LRRC38: variants seen among roughly 807,000 people sequenced by gnomAD.
LRRC38 encodes leucine-rich repeat-containing protein 38.
Under a neutral mutation model 16.4 loss-of-function variants are expected in LRRC38, and 5 were observed. The observed-to-expected ratio is 0.31, with a 90% confidence interval of 0.16 to 0.64. The LOEUF is 0.64. LRRC38 is among the 30% of genes least tolerant of loss of function. The probability of loss-of-function intolerance (pLI) is 0.80; values close to 1 mark genes in which losing one functional copy is unlikely to be tolerated. For synonymous variants in LRRC38, 191 were observed against 190.2 expected, an observed-to-expected ratio of 1.00 and a Z score of -0.04; for missense variants, 341 against 401.8, an observed-to-expected ratio of 0.85 and a Z score of 1.29.
chr1:13,480,994 C>G (rs929687741), intron 1 of LRRC38, among the ~76,000 whole-genome samples: 2 of 152,138 alleles, frequency 1.3e-5, no homozygotes, highest in Non-Finnish European at 2.9e-5. Flanking sequence ...TTTAGATCCC[C>G]AGAATGTATA....
intron 1 of LRRC38, 39 bp downstream of exon 1, chr1:13,512,924 C>G: frequency 3.3e-6 from 4 of 1,215,334 alleles, no homozygotes; most frequent in Non-Finnish European, 2.3e-6. Flanking sequence ...TCTCCCTGCC[C>G]CCCTCCCTCC....
chr1:13,510,818 G>C (rs926276126), intron 1 of LRRC38, among the ~76,000 whole-genome samples: 5 of 152,198 alleles, frequency 3.3e-5, no homozygotes, highest in Admixed American at 6.5e-5. Flanking sequence ...GGCTTGGAGA[G>C]GTCAGGGACT....
At chr1:13,493,704 C>T (rs766453060) in intron 1 of LRRC38, among the ~76,000 whole-genome samples, 41 of 152,188 alleles carry the variant, frequency 2.7e-4, no homozygotes, top group Admixed American at 1.7e-3. Flanking sequence ...GCCTGAGAGC[C>T]GAGGAGTGCT....
In LRRC38 at chr1:13,512,972, G is replaced by A. The variant is rs982484550; in HGVS notation, c.622C>T (p.Leu208=). 2.6e-6 allele frequency: 4 copies of A among 1,533,720 alleles called. No individual in the cohort carries two copies. The Admixed American group carries it at 7.9e-5, about 30-fold the overall frequency. The part of the protein sequence containing the change: ...FSWIQENASK[L]PKGLDEIQCS... ...AGCCGGCTCGGCTCACCTTTGGGCA[G>A]TTTGGATGCGTTCTCCTGGATCCAG... Residue 208 remains leucine, a synonymous_variant, in exon 1 of 2, where the codon CTG becomes TTG. Coordinates refer to ENST00000376085, the MANE Select transcript of LRRC38 (RefSeq NM_001010847.2).
chr1:13,495,325 A>G (rs572244672), intron 1 of LRRC38, among the ~76,000 whole-genome samples: 1 of 152,296 alleles, frequency 6.6e-6, no homozygotes, highest in South Asian at 2.1e-4. Flanking sequence ...CATATTTAGA[A>G]GCCGATTCTG....
At chr1:13,478,262 C>T (rs532004407) in intron 1 of LRRC38, among the ~76,000 whole-genome samples, 1 of 152,214 alleles carries the variant, frequency 6.6e-6, no homozygotes, top group Non-Finnish European at 1.5e-5. Context: ...AGTCATGTTG[C>T]ACTTACTATG....
At chr1:13,484,681 G>A (rs1262931687) in intron 1 of LRRC38, among the ~76,000 whole-genome samples, 3 of 152,232 alleles carry the variant, frequency 2.0e-5, no homozygotes, top group Admixed American at 6.5e-5. Context: ...CTCTTGGGAG[G>A]TGGAAACTCT....
chr1:13,484,232 A>G (rs1638905269), intron 1 of LRRC38, among the ~76,000 whole-genome samples: 1 of 152,096 alleles, frequency 6.6e-6, no homozygotes, highest in Non-Finnish European at 1.5e-5. Context: ...ACCTTCTCAA[A>G]GAGGCCTCCC....
intron 1 of LRRC38, among the ~76,000 whole-genome samples, chr1:13,509,768 A>C (rs759897645): frequency 3.3e-5 from 5 of 151,898 alleles, no homozygotes; most frequent in Non-Finnish European, 7.4e-5. Context: ...TCCTACCTAC[A>C]CTCTTTGTTT....
At chr1:13,481,540 C>T (rs570832289) in intron 1 of LRRC38, among the ~76,000 whole-genome samples, 19 of 151,978 alleles carry the variant, frequency 1.3e-4, no homozygotes, top group Non-Finnish European at 2.1e-4. Context: ...TACAGGCACC[C>T]ACCACCACGC....
intron 1 of LRRC38, among the ~76,000 whole-genome samples, chr1:13,476,398 G>A (rs1405573909): frequency 9.2e-5 from 14 of 152,010 alleles, no homozygotes; most frequent in African/African-American, 2.4e-4. Flanking sequence ...GCGTGATCTC[G>A]GCTCACTGCA....
At chr1:13,485,435 GT>G (rs1184916184) in intron 1 of LRRC38, among the ~76,000 whole-genome samples, 1 of 152,036 alleles carries the variant, frequency 6.6e-6, no homozygotes, top group Non-Finnish European at 1.5e-5. Flanking sequence ...AATTAGCATG[GT>G]GGCGGGCGAC....
intron 1 of LRRC38, among the ~76,000 whole-genome samples, chr1:13,497,267 T>A (rs578253198): frequency 6.6e-6 from 1 of 152,180 alleles, no homozygotes; most frequent in Admixed American, 6.5e-5. Flanking sequence ...AAAGCTCTCA[T>A]AGCAGAAGAA....
intron 1 of LRRC38, among the ~76,000 whole-genome samples, chr1:13,493,834 G>A (rs1425603610): frequency 6.6e-6 from 1 of 152,200 alleles, no homozygotes; most frequent in Non-Finnish European, 1.5e-5. Context: ...GGAGGCTGAG[G>A]TGAGTAGACC....
chr1:13,505,224 G>C (rs1639198965), intron 1 of LRRC38, among the ~76,000 whole-genome samples: 1 of 152,158 alleles, frequency 6.6e-6, no homozygotes, highest in Admixed American at 6.5e-5. Flanking sequence ...CCTCTCCAGG[G>C]CTCCTCTCCT....
rs12060203 is a variant in LRRC38, at chr1:13,505,302, C to T, written c.631+7661G>A. 8.3e-3 allele frequency among the ~76,000 whole-genome samples: 1,261 copies of T among 152,304 alleles called. 16 individuals are homozygous for T. Among genetic ancestry groups the T allele is most frequent in the African/African-American group, 0.028 (1,150 of 41,554 alleles). Reference sequence around the variant, plus strand: ...CCTCCCTCCTGCATAGCAGGAGCTGCGGCTCAGGGGGCTACCGGGGATTTG... The same window carrying T: ...CCTCCCTCCTGCATAGCAGGAGCTGTGGCTCAGGGGGCTACCGGGGATTTG... On this transcript the variant is annotated intron_variant, in intron 1 of 1. Transcript: ENST00000376085.
chr1:13,475,411 A>G lies in LRRC38; in HGVS notation c.*435T>C, dbSNP rs3013104. On this transcript the variant is annotated 3_prime_UTR_variant, in exon 2 of 2. Transcript: ENST00000376085. This position sits in a 1 kb window ranked among gnomAD's most constrained non-coding sequence, Gnocchi z 4.3. ...GTGAATGATCCGAATTTGAATCTCC[A>G]CTGTTTGAGCTGCTGTTTCTTGGGA... 0.044 allele frequency: 7,421 copies of G among 167,284 alleles called. 288 individuals carry two copies. Among genetic ancestry groups the G allele is most frequent in the African/African-American group, 0.11 (4,550 of 42,048 alleles). 10.4% of individuals were successfully genotyped at this position (167,284 alleles called of 1,614,324 possible). A position where few individuals can be genotyped will look rare whatever the true frequency, so the allele number is the denominator to read the frequency against.
At chr1:13,494,623 G>A (rs567223293) in intron 1 of LRRC38, among the ~76,000 whole-genome samples, 84 of 152,250 alleles carry the variant, frequency 5.5e-4, no homozygotes, top group Non-Finnish European at 1.1e-3. Flanking sequence ...TCAAAAGCCT[G>A]TGTTCTTAGC....
intron 1 of LRRC38, among the ~76,000 whole-genome samples, chr1:13,493,748 A>T (rs1283482992): frequency 1.3e-5 from 2 of 152,164 alleles, no homozygotes; most frequent in Non-Finnish European, 2.9e-5. Context: ...AAAAGGACAC[A>T]GATGTCGTGA....
Sources: allele counts gnomAD v4.1 joint callset (sites outside exome capture counted in the v4.1 genomes callset), GRCh38; gene constraint gnomAD v4.1.1; non-coding constraint Gnocchi (gnomAD v3.1); transcripts MANE v1.5; gene names NCBI Gene and HGNC (gene_info 2026-07-23, HGNC 2026-07-21).